KCNH8: variants seen among roughly 807,000 people sequenced by gnomAD.
KCNH8 encodes the protein voltage-gated delayed rectifier potassium channel KCNH8.
A neutral mutation model predicts 103.6 loss-of-function variants in KCNH8; 70 were observed. The ratio of observed to expected loss-of-function variants is 0.68; its 90% CI spans 0.56 to 0.82. KCNH8 has a LOEUF of 0.82. Among genes scored for constraint, KCNH8 ranks in the 40% least tolerant of loss-of-function variants. KCNH8 has a pLI of 0.00. For missense variants in KCNH8, 1,217 were observed against 1,329.9 expected (o/e 0.92, Z 1.32); for synonymous variants, 498 against 489.4 (o/e 1.02, Z -0.23).
At chr3:19,433,122 T>C (rs1283879399) in intron 7 of KCNH8, among the ~76,000 whole-genome samples, 1 of 152,176 alleles carries the variant, frequency 6.6e-6, no homozygotes, top group African/African-American at 2.4e-5. Flanking sequence ...GTAATCAATG[T>C]TCAAAAACTT....
rs190687567 is a variant in KCNH8 at position 19,465,642 on chromosome 3, G to T, written c.2040+8660G>T. ...GATAGTGATTTCTTTGATGGACCTGGATGAATTAAGTTGAAAACACTCTGG... is the reference window on the plus strand; with the variant it reads ...GATAGTGATTTCTTTGATGGACCTGTATGAATTAAGTTGAAAACACTCTGG... On this transcript the variant is annotated intron_variant, in intron 11 of 15. Transcript: ENST00000328405. Among the ~76,000 whole-genome samples the T allele has an allele frequency of 4.0e-5, 6 of 151,620 alleles. No individual in the cohort carries two copies. In the East Asian group the frequency reaches 1.2e-3, roughly 29 times the overall value.
At chr3:19,321,401 AGAAT>A (rs2065348292) in intron 3 of KCNH8, among the ~76,000 whole-genome samples, 1 of 150,576 alleles carries the variant, frequency 6.6e-6, no homozygotes, top group Admixed American at 6.6e-5. Context: ...TTCAGTTCAA[AGAAT>A]TTTTGAATTT....
intron 11 of KCNH8, among the ~76,000 whole-genome samples, chr3:19,498,205 T>C (rs911295349): frequency 2.6e-5 from 4 of 152,222 alleles, no homozygotes; most frequent in Non-Finnish European, 5.9e-5. Context: ...TGCCACTCTG[T>C]TACTTTTAAA....
chr3:19,417,021 A>G (rs890455871), intron 7 of KCNH8, among the ~76,000 whole-genome samples: 4 of 151,894 alleles, frequency 2.6e-5, no homozygotes, highest in Non-Finnish European at 5.9e-5. Flanking sequence ...GCCCACTGAC[A>G]TCATTACCAC....
Position 19,427,400 on chromosome 3 carries a change from A to C in KCNH8, c.1178-10764A>C, listed in dbSNP as rs149431646. Among the ~76,000 whole-genome samples, 12 of 152,338 alleles carry C rather than the reference A, an allele frequency of 7.9e-5. No individual in the cohort carries two copies. The East Asian group carries it at 2.3e-3, about 29-fold the overall frequency. ...AACAGATAGTTGGTGTCTGTAAGTG[A>C]AATTAGAAGTCAAATGCCAATGAAT... On this transcript the variant is annotated intron_variant, in intron 7 of 15. Coordinates refer to ENST00000328405, the MANE Select transcript of KCNH8 (RefSeq NM_144633.3).
rs757713445 is a variant in KCNH8, at chr3:19,347,983, C to T, written c.811+18C>T. On this transcript the variant is annotated intron_variant, in intron 5 of 15. Transcript: ENST00000328405. ...TATTATAGGTAAGAACAAACAGCTG[C>T]TTTCCTACGATATTTGCATATGAGA... 10 of 1,608,152 alleles carry T rather than the reference C, an allele frequency of 6.2e-6. No homozygotes were observed. The highest frequency in any genetic ancestry group is 1.7e-4 in the Middle Eastern group (1 of 6,022).
At position 19,507,742 on chromosome 3, in the gene KCNH8, A is replaced by G. The variant is rs1294269817; in HGVS notation, c.2041-2621A>G. ...GGTCTGGCTGCTTTTTCCACAGGGCAGCTGCATTGTGCTGGGGATCTGCAC... is the reference window on the plus strand; with the variant it reads ...GGTCTGGCTGCTTTTTCCACAGGGCGGCTGCATTGTGCTGGGGATCTGCAC... On this transcript the variant is annotated intron_variant, in intron 11 of 15. Transcript: ENST00000328405. 9.2e-5 allele frequency among the ~76,000 whole-genome samples: 14 copies of G among 152,258 alleles called. No individual in the cohort carries two copies. The East Asian group carries it at 2.7e-3, about 29-fold the overall frequency.
At position 19,487,092 on chromosome 3, in the gene KCNH8, G is replaced by A. The variant is rs185497558; in HGVS notation, c.2041-23271G>A. Among the ~76,000 whole-genome samples the A allele has an allele frequency of 3.1e-3, 471 of 152,278 alleles. 4 individuals are homozygous for A. Among genetic ancestry groups the A allele is most frequent in the African/African-American group, 0.01 (428 of 41,554 alleles). ...CCTAGGTCTTTAGCAGGAAACTTTT[G>A]CAGGTCTTGAGCCAGGGCCTCCCTG... is the stretch of plus-strand genomic sequence containing the variant. On this transcript the variant is annotated intron_variant, in intron 11 of 15. Coordinates refer to ENST00000328405, the MANE Select transcript of KCNH8 (RefSeq NM_144633.3).
At chr3:19,420,379 G>C (rs1370989430) in intron 7 of KCNH8, among the ~76,000 whole-genome samples, 3 of 152,150 alleles carry the variant, frequency 2.0e-5, no homozygotes, top group East Asian at 1.9e-4. Flanking sequence ...GGGATTAAAG[G>C]CTTATTTTTA....
chr3:19,303,347 A>G (rs1273054287), intron 3 of KCNH8, among the ~76,000 whole-genome samples: 4 of 152,212 alleles, frequency 2.6e-5, no homozygotes, highest in Non-Finnish European at 5.9e-5. Flanking sequence ...GACAGTAAGA[A>G]CAAAATTTTA....
At chr3:19,246,955 C>T (rs1399166830) in intron 1 of KCNH8, among the ~76,000 whole-genome samples, 2 of 152,166 alleles carry the variant, frequency 1.3e-5, no homozygotes, top group African/African-American at 4.8e-5. Flanking sequence ...GCAAGATAGT[C>T]TCATAAACAG....
intron 11 of KCNH8, among the ~76,000 whole-genome samples, chr3:19,474,645 G>C (rs141212413): frequency 6.6e-6 from 1 of 152,104 alleles, no homozygotes; most frequent in Non-Finnish European, 1.5e-5. Context: ...GGTCATTGAA[G>C]AAAATAATTA....
chr3:19,489,343 A>G (rs2068272827), intron 11 of KCNH8, among the ~76,000 whole-genome samples: 1 of 151,988 alleles, frequency 6.6e-6, no homozygotes, highest in Non-Finnish European at 1.5e-5. Context: ...ACCTTCCTTA[A>G]CTAACTGTCC....
chr3:19,504,290 A>G (rs1189481415), intron 11 of KCNH8, among the ~76,000 whole-genome samples: 1 of 152,222 alleles, frequency 6.6e-6, no homozygotes, highest in African/African-American at 2.4e-5. Context: ...CAAAGATTTC[A>G]TGACAAAGAT....
At chr3:19,410,493 CAA>C (rs772811774) in intron 7 of KCNH8, among the ~76,000 whole-genome samples, 210 of 152,092 alleles carry the variant, frequency 1.4e-3, no homozygotes, top group Non-Finnish European at 2.6e-3. Flanking sequence ...ACTAGAGAAA[CAA>C]GAGCAAAGTA....
At chr3:19,377,730 A>G (rs1375004195) in intron 5 of KCNH8, among the ~76,000 whole-genome samples, 2 of 152,188 alleles carry the variant, frequency 1.3e-5, no homozygotes, top group Non-Finnish European at 2.9e-5. Context: ...GCTGCCATCC[A>G]TGGTAGATGG....
At chr3:19,530,791 A>G (rs1217500998) in intron 15 of KCNH8, among the ~76,000 whole-genome samples, 1 of 152,198 alleles carries the variant, frequency 6.6e-6, no homozygotes, top group Non-Finnish European at 1.5e-5. Flanking sequence ...CTTTTTCTAC[A>G]TGATAATATT....
At chr3:19,367,671 T>A (rs1190687049) in intron 5 of KCNH8, among the ~76,000 whole-genome samples, 1 of 151,856 alleles carries the variant, frequency 6.6e-6, no homozygotes, top group Non-Finnish European at 1.5e-5. Flanking sequence ...AACATGTAGC[T>A]CATTGAGTTG....
At chr3:19,399,945 C>T (rs950557243) in intron 7 of KCNH8, among the ~76,000 whole-genome samples, 2 of 151,772 alleles carry the variant, frequency 1.3e-5, no homozygotes, top group East Asian at 3.9e-4. Flanking sequence ...CCCAGATTGC[C>T]AATGCAAGAA....
Sources: gnomAD v4.1 joint callset for allele counts (sites outside exome capture counted in the v4.1 genomes callset) on GRCh38, gnomAD v4.1.1 for gene constraint, MANE v1.5 for transcripts, NCBI Gene and HGNC (gene_info 2026-07-23, HGNC 2026-07-21) for gene names.